RAB38: variants seen among roughly 807,000 people sequenced by gnomAD.
RAB38 encodes ras-related protein Rab-38.
RAB38 carries 15 observed loss-of-function variants against 18.4 expected under a neutral mutation model. The observed-to-expected ratio is 0.82, with a 90% CI of 0.55 to 1.26. The LOEUF (loss-of-function observed/expected upper bound fraction) is 1.26, where lower values mean the gene tolerates loss of function less well. Ranked by LOEUF, RAB38 falls within the 50% of genes most tolerant of loss-of-function variation. The pLI is 0.00. For missense variants in RAB38, 294 were observed against 267.4 expected (o/e 1.10, Z -0.69); for synonymous variants, 101 against 104.4 (o/e 0.97, Z 0.20).
intron 1 of RAB38, among the ~76,000 whole-genome samples, chr11:88,168,360 A>G (rs1943269002): frequency 6.6e-6 from 1 of 152,136 alleles, no homozygotes; most frequent in Non-Finnish European, 1.5e-5. Flanking sequence ...TTCCTCACAC[A>G]TTGTAATCTT....
chr11:87,916,677 C>T, the RAB38 span, among the ~76,000 whole-genome samples: 4 of 152,116 alleles, frequency 2.6e-5, no homozygotes, highest in African/African-American at 9.7e-5. Context: ...CAGACTGAGA[C>T]AATTATTATG....
At chr11:88,005,938 A>G in the RAB38 span, among the ~76,000 whole-genome samples, 1 of 151,482 alleles carries the variant, frequency 6.6e-6, no homozygotes, top group Admixed American at 6.6e-5. Flanking sequence ...CCAGTTTTAT[A>G]TTCTGTTCCA....
chr11:87,956,684 G>C, the RAB38 span, among the ~76,000 whole-genome samples: 4 of 152,176 alleles, frequency 2.6e-5, no homozygotes, highest in South Asian at 8.3e-4. Flanking sequence ...GAGCTAGAAG[G>C]TCACTCTGAC....
chr11:88,122,101 A>G (rs539565724), intron 2 of RAB38, among the ~76,000 whole-genome samples: 1 of 152,236 alleles, frequency 6.6e-6, no homozygotes, highest in South Asian at 2.1e-4. Flanking sequence ...AAATAATCTG[A>G]GTTCAACATC....
chr11:87,971,314 G>T, the RAB38 span, among the ~76,000 whole-genome samples: 1 of 152,064 alleles, frequency 6.6e-6, no homozygotes, highest in Admixed American at 6.6e-5. Context: ...GCTGTAATGA[G>T]GCAGGAAGAA....
intron 2 of RAB38, among the ~76,000 whole-genome samples, chr11:88,132,553 G>A (rs1015923716): frequency 2.0e-5 from 3 of 152,156 alleles, no homozygotes; most frequent in Non-Finnish European, 2.9e-5. Context: ...TGCATCCCAG[G>A]TTCAAGTGAT....
intron 2 of RAB38, 25 bp from the exon 3 acceptor site, chr11:88,114,165 T>C (rs1386815130): frequency 6.2e-7 from 1 of 1,611,680 alleles, no homozygotes; most frequent in Non-Finnish European, 8.5e-7. Flanking sequence ...ATAAAACAGC[T>C]TTTCTTATTC....
chr11:88,168,569 T>G (rs1943270852), intron 1 of RAB38, among the ~76,000 whole-genome samples: 1 of 152,198 alleles, frequency 6.6e-6, no homozygotes, highest in South Asian at 2.1e-4. Context: ...AAGATCAACC[T>G]ATTCCGATCA....
At chr11:87,846,568 T>C in the RAB38 span, among the ~76,000 whole-genome samples, 1 of 151,104 alleles carries the variant, frequency 6.6e-6, no homozygotes, top group Non-Finnish European at 1.5e-5. Context: ...AAATAAAAAA[T>C]GTACAGAATT....
chr11:88,070,211 A>AGGAGGAATGAACAACTCTGGACG, the RAB38 span, among the ~76,000 whole-genome samples: 2 of 152,166 alleles, frequency 1.3e-5, no homozygotes, highest in Non-Finnish European at 2.9e-5. Context: ...CAAACCCACT[A>AGGAGGAATGAACAACTCTGGACG]GGAGGAATGA....
At chr11:88,143,051 C>T (rs143302367) in intron 2 of RAB38, among the ~76,000 whole-genome samples, 22 of 152,304 alleles carry the variant, frequency 1.4e-4, no homozygotes, top group African/African-American at 5.1e-4. Flanking sequence ...TAAGGTCAGA[C>T]TAGAAAAGGT....
At chr11:87,929,166 T>C in the RAB38 span, among the ~76,000 whole-genome samples, 5 of 151,972 alleles carry the variant, frequency 3.3e-5, no homozygotes, top group African/African-American at 1.2e-4. Context: ...CATTCAAGTC[T>C]ATCCTGTAGA....
intron 2 of RAB38, 82 bp downstream of exon 2, chr11:88,149,587 TATTATC>T: frequency 2.1e-6 from 3 of 1,431,164 alleles, no homozygotes; most frequent in Non-Finnish European, 2.8e-6. Context: ...ACAAACATAT[TATTATC>T]ATTATGATGA....
chr11:88,005,736 C>T, the RAB38 span, among the ~76,000 whole-genome samples: 7 of 151,414 alleles, frequency 4.6e-5, no homozygotes, highest in South Asian at 8.3e-4. Flanking sequence ...TGGGGTCTTA[C>T]GTTTAATTCT....
At chr11:88,163,448 T>C (rs912531383) in intron 1 of RAB38, among the ~76,000 whole-genome samples, 1 of 152,170 alleles carries the variant, frequency 6.6e-6, no homozygotes, top group East Asian at 1.9e-4. Flanking sequence ...AAATATCTGT[T>C]CATAATTCAG....
chr11:88,094,047 CTT>C, the RAB38 span, among the ~76,000 whole-genome samples: 1 of 151,850 alleles, frequency 6.6e-6, no homozygotes, highest in African/African-American at 2.4e-5. Flanking sequence ...TGTTTTCTGT[CTT>C]TCCCTGGGCA....
At chr11:88,163,931 A>G (rs1278540096) in intron 1 of RAB38, among the ~76,000 whole-genome samples, 2 of 152,094 alleles carry the variant, frequency 1.3e-5, no homozygotes, top group East Asian at 3.9e-4. Context: ...CTAGCAATGT[A>G]AGGTGCAACA....
the RAB38 span, among the ~76,000 whole-genome samples, chr11:87,974,042 A>G: frequency 1.3e-5 from 2 of 151,972 alleles, no homozygotes; most frequent in African/African-American, 4.8e-5. Flanking sequence ...ACATAACTCA[A>G]TACCCCTACC....
At chr11:88,094,338 G>A in the RAB38 span, among the ~76,000 whole-genome samples, 48 of 151,976 alleles carry the variant, frequency 3.2e-4, no homozygotes, top group African/African-American at 1.1e-3. Flanking sequence ...AGTTTCAATA[G>A]GCACATGGAT....
Sources: gnomAD v4.1 joint callset for allele counts (sites outside exome capture counted in the v4.1 genomes callset) on GRCh38, gnomAD v4.1.1 for gene constraint, MANE v1.5 for transcripts, NCBI Gene and HGNC (gene_info 2026-07-23, HGNC 2026-07-21) for gene names.